GALNT16: variants seen among roughly 807,000 people sequenced by gnomAD.
GALNT16 encodes UDP-GalNAc:polypeptide N-acetylgalactosaminyltransferase-like protein 1.
A neutral mutation model predicts 76.1 loss-of-function variants in GALNT16; 40 were observed. That is an observed-to-expected ratio of 0.53 (90% CI 0.41 to 0.68). GALNT16 has a LOEUF of 0.68. Among genes scored for constraint, GALNT16 ranks in the 30% least tolerant of loss-of-function variants. GALNT16 has a pLI of 0.00. For synonymous variants in GALNT16, 276 were observed against 285.2 expected (o/e 0.97, Z 0.32); for missense variants, 621 against 731.9 (o/e 0.85, Z 1.75).
intron 5 of GALNT16, among the ~76,000 whole-genome samples, chr14:69,328,010 G>A (rs1273045085): frequency 6.6e-6 from 1 of 152,166 alleles, no homozygotes; most frequent in East Asian, 1.9e-4. Context: ...AAGGAAAGGG[G>A]CTGCCATACA....
Position 69,324,154 on chromosome 14 carries a change from C to T in GALNT16, c.336-538C>T, listed in dbSNP as rs1030762324. 1.3e-4 allele frequency among the ~76,000 whole-genome samples: 19 copies of T among 151,920 alleles called. 1 individual carries two copies. Among genetic ancestry groups the T allele is most frequent in the Non-Finnish European group, 1.5e-4 (10 of 67,936 alleles). ...TACCCTGGGAGGAGTGAGACTGCTC[C>T]CCAGCTTGTTGTCTGCAGCAGGGCT... is the stretch of plus-strand genomic sequence containing the variant. On this transcript the variant is annotated intron_variant, in intron 2 of 14. Coordinates refer to ENST00000448469, the MANE Select transcript of GALNT16 (RefSeq NM_001168368.2).
chr14:69,325,796 G>A (rs1303385338), intron 4 of GALNT16, among the ~76,000 whole-genome samples, 166 bp from the exon 5 acceptor site: 1 of 152,176 alleles, frequency 6.6e-6, no homozygotes, highest in Non-Finnish European at 1.5e-5. Context: ...TGGCCTGAGA[G>A]TGGGGCAGGG....
At chr14:69,350,918 C>T (rs1160533643) in intron 14 of GALNT16, 1 of 152,344 alleles carries the variant, frequency 6.6e-6, no homozygotes, top group African/African-American at 2.4e-5. Context: ...CCTCTCATCC[C>T]TTCTCATAAA....
At chr14:69,377,318 T>G in the GALNT16 span, among the ~76,000 whole-genome samples, 84 of 152,354 alleles carry the variant, frequency 5.5e-4, no homozygotes, top group African/African-American at 1.9e-3. Flanking sequence ...GGTATTGCTT[T>G]GTGATCTGGT....
At position 69,324,853 on chromosome 14, in the gene GALNT16, C is replaced by T. The variant is rs561564569; in HGVS notation, c.434+63C>T. ...GGCAGGGGAGGACATTGGGATTGGG[C>T]GCTGTGGCCAGACAGCTTGAAGCCC... On this transcript the variant is annotated intron_variant, in intron 3 of 14. Transcript: ENST00000448469. 3.1e-4 allele frequency: 338 copies of T among 1,104,430 alleles called. 2 individuals carry two copies. The African/African-American group carries it at 3.4e-3, about 11-fold the overall frequency. 68.4% of individuals were successfully genotyped at this position (1,104,430 alleles called of 1,614,324 possible).
intron 1 of GALNT16, among the ~76,000 whole-genome samples, chr14:69,308,450 CTA>C (rs2044970682): frequency 6.6e-6 from 1 of 152,094 alleles, no homozygotes; most frequent in Admixed American, 6.6e-5. Context: ...TGTTTATAAA[CTA>C]TTTATATAAA....
downstream of GALNT16, among the ~76,000 whole-genome samples, chr14:69,360,314 C>G (rs1250586248): frequency 6.6e-6 from 1 of 150,484 alleles, no homozygotes; most frequent in Non-Finnish European, 1.5e-5. Context: ...GATTGCAGCA[C>G]TGCACTTCCA....
downstream of GALNT16, among the ~76,000 whole-genome samples, chr14:69,359,663 A>G (rs2045712169): frequency 6.6e-6 from 1 of 152,222 alleles, no homozygotes; most frequent in Non-Finnish European, 1.5e-5. Flanking sequence ...AGCTAGGTTT[A>G]AACTCACTCT....
At chr14:69,312,027 G>A (rs1219272189) in intron 1 of GALNT16, among the ~76,000 whole-genome samples, 16 of 145,178 alleles carry the variant, frequency 1.1e-4, no homozygotes, top group African/African-American at 3.8e-4. Context: ...AACATAGCAA[G>A]ATCCTGTTTC....
intron 6 of GALNT16, 79 bp downstream of exon 6, chr14:69,328,650 G>C: frequency 6.8e-7 from 1 of 1,466,652 alleles, no homozygotes; most frequent in Non-Finnish European, 9.3e-7. Flanking sequence ...CTATGGGACA[G>C]TATTTGAAGC....
chr14:69,310,427 C>T (rs1185732717), intron 1 of GALNT16, among the ~76,000 whole-genome samples: 1 of 152,124 alleles, frequency 6.6e-6, no homozygotes. Flanking sequence ...TATGTCTTTA[C>T]ATCACTGAAT....
At chr14:69,384,412 G>T in the GALNT16 span, among the ~76,000 whole-genome samples, 1 of 152,184 alleles carries the variant, frequency 6.6e-6, no homozygotes, top group South Asian at 2.1e-4. Context: ...GCTAGCAAAT[G>T]GTAGACCCAG....
intron 2 of GALNT16, among the ~76,000 whole-genome samples, chr14:69,321,122 G>A (rs2140163500): frequency 6.6e-6 from 1 of 152,346 alleles, no homozygotes; most frequent in African/African-American, 2.4e-5. Flanking sequence ...CCCAGCAAAA[G>A]TGACCTGGGA....
intron 9 of GALNT16, among the ~76,000 whole-genome samples, chr14:69,337,900 A>G (rs1332102038): frequency 5.3e-5 from 8 of 152,320 alleles, no homozygotes; most frequent in Non-Finnish European, 8.8e-5. Context: ...AAGAGACTAT[A>G]GGGTTAATAT....
chr14:69,287,753 C>T (rs925984605), intron 1 of GALNT16, among the ~76,000 whole-genome samples: 7 of 152,198 alleles, frequency 4.6e-5, no homozygotes, highest in African/African-American at 1.7e-4. Flanking sequence ...CTTTTTTCTC[C>T]TGGACCACAC....
chr14:69,283,094 T>C (rs2044565325), intron 1 of GALNT16, among the ~76,000 whole-genome samples: 2 of 152,250 alleles, frequency 1.3e-5, no homozygotes, highest in African/African-American at 4.8e-5. Flanking sequence ...GCCATGCAGA[T>C]ACCTGTAAAT....
At chr14:69,367,861 T>C in the GALNT16 span, among the ~76,000 whole-genome samples, 2 of 152,020 alleles carry the variant, frequency 1.3e-5, no homozygotes, top group African/African-American at 4.8e-5. Flanking sequence ...GGCATGGTGC[T>C]GCACAGCTTT....
the GALNT16 span, among the ~76,000 whole-genome samples, chr14:69,383,751 T>TAATAATTA: frequency 1.3e-5 from 2 of 152,234 alleles, no homozygotes; most frequent in Non-Finnish European, 2.9e-5. Context: ...GGAAGAATTA[T>TAATAATTA]CTAGGTAATA....
At chr14:69,264,156 G>A (rs776520938) in intron 1 of GALNT16, among the ~76,000 whole-genome samples, 7 of 152,152 alleles carry the variant, frequency 4.6e-5, no homozygotes, top group South Asian at 2.1e-4. Flanking sequence ...ACTCATTTTC[G>A]GTATAGGTGC....
Sources: gnomAD v4.1 joint callset for allele counts (sites outside exome capture counted in the v4.1 genomes callset) on GRCh38, gnomAD v4.1.1 for gene constraint, MANE v1.5 for transcripts, NCBI Gene and HGNC (gene_info 2026-07-23, HGNC 2026-07-21) for gene names.